The following AFG1L variants were observed in gnomAD, a reference collection of about 807,000 sequenced individuals.
AFG1L encodes AFG1 like ATPase.
Under a neutral mutation model 62.2 loss-of-function variants are expected in AFG1L, and 53 were observed. The observed-to-expected ratio is 0.85, with a 90% CI of 0.68 to 1.07. The LOEUF (loss-of-function observed/expected upper bound fraction) is 1.07. AFG1L is among the 50% of genes least tolerant of loss of function. The probability of loss-of-function intolerance (pLI) is 0.00; values close to 1 mark genes in which losing one functional copy is unlikely to be tolerated. For missense variants in AFG1L, 555 were observed against 590.5 expected, an observed-to-expected ratio of 0.94 and a Z score of 0.62; for synonymous variants, 228 against 210.3, an observed-to-expected ratio of 1.08 and a Z score of -0.73.
At chr6:108,398,075 A>G (rs1314965935) in intron 6 of AFG1L, among the ~76,000 whole-genome samples, 2 of 152,078 alleles carry the variant, frequency 1.3e-5, no homozygotes, top group Non-Finnish European at 2.9e-5. Context: ...CCACCAATAG[A>G]GTATTGAGGG....
chr6:108,457,229 T>C (rs1403874579), intron 8 of AFG1L, among the ~76,000 whole-genome samples: 9 of 152,184 alleles, frequency 5.9e-5, no homozygotes, highest in Admixed American at 6.5e-5. Context: ...TTGCTTTTTG[T>C]TTTCTATTGT....
chr6:108,501,896 TGCAATA>T (rs1774220381), intron 10 of AFG1L, among the ~76,000 whole-genome samples: 1 of 152,246 alleles, frequency 6.6e-6, no homozygotes, highest in African/African-American at 2.4e-5. Context: ...CTATTAAGTG[TGCAATA>T]GCATTATGTC....
intron 8 of AFG1L, among the ~76,000 whole-genome samples, chr6:108,455,803 A>G (rs1006673081): frequency 1.3e-5 from 2 of 152,208 alleles, no homozygotes; most frequent in African/African-American, 2.4e-5. Context: ...TACAGAATCT[A>G]TGTTGTATGA....
At chr6:108,381,013 A>T (rs1489605377) in intron 6 of AFG1L, among the ~76,000 whole-genome samples, 1 of 152,220 alleles carries the variant, frequency 6.6e-6, no homozygotes, top group East Asian at 1.9e-4. Context: ...ATTAAAACTC[A>T]CAGAGTTTAT....
chr6:108,480,899 G>A (rs1422806364), intron 10 of AFG1L, among the ~76,000 whole-genome samples: 1 of 152,208 alleles, frequency 6.6e-6, no homozygotes, highest in Non-Finnish European at 1.5e-5. Context: ...GGAGCATGAA[G>A]CTGAATGGGG....
At chr6:108,487,862 C>T (rs1349088064) in intron 10 of AFG1L, among the ~76,000 whole-genome samples, 2 of 152,152 alleles carry the variant, frequency 1.3e-5, no homozygotes, top group Non-Finnish European at 2.9e-5. Flanking sequence ...AAACAGATCT[C>T]GGACAGATTC....
intron 2 of AFG1L, among the ~76,000 whole-genome samples, chr6:108,339,885 A>T (rs576285229): frequency 1.3e-5 from 2 of 152,262 alleles, no homozygotes; most frequent in African/African-American, 4.8e-5. Flanking sequence ...CCTCTCAAAC[A>T]TTTATCCTTT....
intron 1 of AFG1L, among the ~76,000 whole-genome samples, chr6:108,316,833 G>A (rs1562470391): frequency 6.6e-6 from 1 of 151,972 alleles, no homozygotes; most frequent in South Asian, 2.1e-4. Flanking sequence ...CGCTCGGCCC[G>A]CTCTGATGTT....
chr6:108,524,381 T>A lies in AFG1L; in HGVS notation c.*1956T>A, dbSNP rs941848673. On this transcript the variant is annotated 3_prime_UTR_variant, in exon 13 of 13. Transcript: ENST00000368977. ...AGACCTGTCCCTGAGTGTGAGTGTA[T>A]GTAGAAGAGTCCCCCTGTCAAGTTA... The A allele has an allele frequency of 6.6e-6, 1 of 152,320 alleles. No homozygotes were observed. The highest frequency in any genetic ancestry group is 2.4e-5 in the African/African-American group (1 of 41,564). 9.4% of individuals were successfully genotyped at this position (152,320 alleles called of 1,614,324 possible). A position where few individuals can be genotyped will look rare whatever the true frequency, so the allele number is the denominator to read the frequency against.
At chr6:108,510,076 G>A (rs963414230) in intron 10 of AFG1L, 136 bp from the exon 11 acceptor site, 2 of 599,066 alleles carry the variant, frequency 3.3e-6, no homozygotes, top group Non-Finnish European at 5.7e-6. Flanking sequence ...CTGCCTATGG[G>A]TAACTTGGTC....
chr6:108,320,217 G>T (rs1777766843), intron 1 of AFG1L, among the ~76,000 whole-genome samples: 1 of 152,146 alleles, frequency 6.6e-6, no homozygotes, highest in Non-Finnish European at 1.5e-5. Flanking sequence ...CAGTGGTGGT[G>T]ATCAGAGTCA....
chr6:108,482,356 T>A lies in AFG1L; in HGVS notation c.1062+5064T>A, dbSNP rs12661274. Among the ~76,000 whole-genome samples, 58 of 152,312 alleles carry A rather than the reference T, an allele frequency of 3.8e-4. No homozygotes were observed. The East Asian group carries it at 0.011, about 29-fold the overall frequency. On this transcript the variant is annotated intron_variant, in intron 10 of 12. Transcript: ENST00000368977. ...AAAATGACCTCCTTTCAAGTTAAAA[T>A]TTTTTAATAGATTCTATTTTTTAGA... is the stretch of plus-strand genomic sequence containing the variant.
chr6:108,475,326 G>A (rs748047631), intron 8 of AFG1L, among the ~76,000 whole-genome samples: 4 of 152,154 alleles, frequency 2.6e-5, no homozygotes, highest in Non-Finnish European at 5.9e-5. Context: ...CTAGCGTGAT[G>A]CCTCCAGCTT....
chr6:108,437,739 C>T (rs1771372978), intron 7 of AFG1L, among the ~76,000 whole-genome samples: 1 of 152,018 alleles, frequency 6.6e-6, no homozygotes, highest in South Asian at 2.1e-4. Context: ...AGTATATTTA[C>T]ACTGTGCAGA....
chr6:108,309,486 C>T (rs184897782), intron 1 of AFG1L, among the ~76,000 whole-genome samples: 116 of 152,302 alleles, frequency 7.6e-4, no homozygotes, highest in Middle Eastern at 3.4e-3. Flanking sequence ...CCATTAGCCA[C>T]ATGTGGACAC....
chr6:108,392,080 C>T (rs1347221784), intron 6 of AFG1L: 2 of 152,150 alleles, frequency 1.3e-5, no homozygotes, highest in South Asian at 2.1e-4. Flanking sequence ...GCTGTGCTTG[C>T]TTTGGAAGCA....
chr6:108,390,841 T>C (rs1677507045), intron 6 of AFG1L, among the ~76,000 whole-genome samples: 1 of 152,194 alleles, frequency 6.6e-6, no homozygotes, highest in African/African-American at 2.4e-5. Flanking sequence ...CAGTCTGTCC[T>C]TTCTCAAATC....
chr6:108,423,658 G>A (rs1165910733), intron 7 of AFG1L, among the ~76,000 whole-genome samples: 3 of 152,038 alleles, frequency 2.0e-5, no homozygotes, highest in East Asian at 3.8e-4. Context: ...TATTGGGACA[G>A]TGTCACCTCT....
chr6:108,357,816 C>T (rs1779349914), intron 5 of AFG1L, among the ~76,000 whole-genome samples: 1 of 152,120 alleles, frequency 6.6e-6, no homozygotes, highest in Admixed American at 6.6e-5. Flanking sequence ...GATGATATGG[C>T]CAAGATGCTT....
Sources: allele counts gnomAD v4.1 joint callset (sites outside exome capture counted in the v4.1 genomes callset), GRCh38; gene constraint gnomAD v4.1.1; transcripts MANE v1.5; gene names NCBI Gene and HGNC (gene_info 2026-07-23, HGNC 2026-07-21).